CDK5RAP2: variants seen among roughly 807,000 people sequenced by gnomAD.
CDK5RAP2 encodes the protein CDK5 regulatory subunit associated protein 2.
A neutral mutation model predicts 232.9 loss-of-function variants in CDK5RAP2; 147 were observed. That is an observed-to-expected ratio of 0.63 (90% CI 0.55 to 0.72). The LOEUF is 0.72. Ranked by LOEUF, CDK5RAP2 falls within the 30% of genes least tolerant of loss-of-function variation. CDK5RAP2 has a pLI of 0.00. For missense variants in CDK5RAP2, 2,195 were observed against 2,231.5 expected, an observed-to-expected ratio of 0.98 and a Z score of 0.33; for synonymous variants, 833 against 833.7, an observed-to-expected ratio of 1.00 and a Z score of 0.01.
At chr9:120,578,795 G>GGCCC (rs2043135936) in intron 1 of CDK5RAP2, among the ~76,000 whole-genome samples, 1 of 152,086 alleles carries the variant, frequency 6.6e-6, no homozygotes, top group Admixed American at 6.6e-5. Flanking sequence ...TCACACTCCT[G>GGCCC]AGCTCAAGAA....
At chr9:120,425,246 C>T (rs1050045105) in intron 25 of CDK5RAP2, among the ~76,000 whole-genome samples, 2 of 152,170 alleles carry the variant, frequency 1.3e-5, no homozygotes, top group African/African-American at 4.8e-5. Flanking sequence ...GTATTCCACC[C>T]GTTCCCCTAT....
intron 23 of CDK5RAP2, among the ~76,000 whole-genome samples, chr9:120,442,878 C>T (rs1429398152): frequency 6.6e-6 from 1 of 152,066 alleles, no homozygotes; most frequent in Non-Finnish European, 1.5e-5. Context: ...TCCCCATGGC[C>T]ATCCCATGAC....
chr9:120,558,439 T>G (rs981123404), intron 3 of CDK5RAP2, among the ~76,000 whole-genome samples: 3 of 136,772 alleles, frequency 2.2e-5, no homozygotes. Context: ...AAGAGCCCCC[T>G]TAGACTTCAG....
At chr9:120,567,175 T>C (rs1564386659) in intron 3 of CDK5RAP2, among the ~76,000 whole-genome samples, 1 of 152,228 alleles carries the variant, frequency 6.6e-6, no homozygotes, top group East Asian at 1.9e-4. Flanking sequence ...TCTCATTCGT[T>C]TGAGGCCCCA....
intron 18 of CDK5RAP2, among the ~76,000 whole-genome samples, chr9:120,467,039 C>A (rs1319555452): frequency 6.6e-6 from 1 of 152,166 alleles, no homozygotes; most frequent in Non-Finnish European, 1.5e-5. Context: ...ACGAGAGAGT[C>A]AGGCCACAGT....
chr9:120,476,678 CA>C (rs553428055), intron 15 of CDK5RAP2, among the ~76,000 whole-genome samples: 1,683 of 85,714 alleles, frequency 0.02, 23 homozygotes, highest in African/African-American at 0.058. Context: ...GACTCCATCT[CA>C]AAAAAAAAAA....
rs147976792 is a variant in CDK5RAP2 at position 120,527,886 on chromosome 9, C to T, written c.919G>A (p.Ala307Thr). 1.2e-6 allele frequency: 2 copies of T among 1,613,788 alleles called. No homozygotes were observed. The highest frequency in any genetic ancestry group is 1.3e-5 in the African/African-American group (1 of 75,032). ...EDLREKEREI[A>T]TEKKNSLKRD... The stretch of plus-strand genomic sequence containing the variant: ...TTTAGACTATTTTTCTTCTCTGTAG[C>T]AATTTCTCTTTCCTTCTCTCTCAGG... The change falls in exon 10 of 38, where the codon GCT (alanine) becomes ACT (threonine). Residue 307 changes from alanine to threonine, a missense_variant. Physicochemically the swap from Ala to Thr is moderately conservative, Grantham distance 58 (BLOSUM62 0). Coordinates refer to ENST00000349780, the MANE Select transcript of CDK5RAP2 (RefSeq NM_018249.6).
At chr9:120,462,231 A>C (rs192557068) in intron 18 of CDK5RAP2, among the ~76,000 whole-genome samples, 51 of 152,312 alleles carry the variant, frequency 3.3e-4, no homozygotes, top group Middle Eastern at 3.4e-3. Context: ...TACCTACTGA[A>C]GCATAAAAGT....
At chr9:120,413,807 C>A (rs527264451) in intron 28 of CDK5RAP2, among the ~76,000 whole-genome samples, 1 of 111,908 alleles carries the variant, frequency 8.9e-6, no homozygotes, top group Non-Finnish European at 1.7e-5. Flanking sequence ...GCGCAGTGAG[C>A]GAGGAGGGAG....
At chr9:120,511,065 C>T (rs1345565111) in intron 12 of CDK5RAP2, among the ~76,000 whole-genome samples, 1 of 152,176 alleles carries the variant, frequency 6.6e-6, no homozygotes, top group Non-Finnish European at 1.5e-5. Context: ...TCTCGGGGCT[C>T]AACTTCTCAG....
rs2033514130 is a variant in CDK5RAP2, at chr9:120,407,231, A to G, written c.4744T>C (p.Trp1582Arg). 1 of 1,612,814 alleles carries G rather than the reference A, an allele frequency of 6.2e-7. No individual in the cohort carries two copies. Among genetic ancestry groups the G allele is most frequent in the African/African-American group, 1.3e-5 (1 of 74,932 alleles). Residue 1582 changes from tryptophan to arginine, a missense_variant, in exon 32 of 38, where the codon TGG becomes CGG. By Grantham distance (101) the Trp-to-Arg change is moderately radical. Transcript: ENST00000349780. ...RRLREASGEG[W>R]KGQDPFRDLH... Reference sequence around the variant, plus strand: ...TCCCTGAAAGGATCCTGCCCCTTCCAGCCTTCTCCCGACGCCTCTGAGGAC... The same window carrying G: ...TCCCTGAAAGGATCCTGCCCCTTCCGGCCTTCTCCCGACGCCTCTGAGGAC...
chr9:120,568,804 G>A (rs995831869), intron 2 of CDK5RAP2, among the ~76,000 whole-genome samples: 1 of 152,090 alleles, frequency 6.6e-6, no homozygotes, highest in Non-Finnish European at 1.5e-5. Flanking sequence ...CAATATTTTA[G>A]GCTTTGTGGG....
intron 22 of CDK5RAP2, among the ~76,000 whole-genome samples, chr9:120,446,802 A>T (rs1200699491): frequency 6.6e-6 from 1 of 152,060 alleles, no homozygotes; most frequent in Admixed American, 6.6e-5. Context: ...TGACTAGTGC[A>T]CTCATTTCCC....
chr9:120,422,511 G>A (rs2034625923), intron 26 of CDK5RAP2, among the ~76,000 whole-genome samples, 182 bp downstream of exon 26: 1 of 152,182 alleles, frequency 6.6e-6, no homozygotes, highest in Non-Finnish European at 1.5e-5. Flanking sequence ...GAAAGCAACA[G>A]GACATATGGC....
chr9:120,466,141 T>C (rs983927808), intron 18 of CDK5RAP2, among the ~76,000 whole-genome samples: 2 of 152,218 alleles, frequency 1.3e-5, no homozygotes, highest in African/African-American at 2.4e-5. Context: ...TATAGTCTCC[T>C]ACAGAACAGG....
intron 20 of CDK5RAP2, among the ~76,000 whole-genome samples, chr9:120,455,620 G>A (rs1460305133): frequency 6.6e-6 from 1 of 152,030 alleles, no homozygotes; most frequent in Non-Finnish European, 1.5e-5. Flanking sequence ...GCATGTGACT[G>A]TAGTCCCAGC....
At position 120,409,108 on chromosome 9, in the gene CDK5RAP2, A is replaced by G. The variant is rs1448410719; in HGVS notation, c.4604+19T>C. ...TGCGTGGTACGGCCAGCAGGCCACC[A>G]GGGAAGCACAGCCACTACCTGCTCA... On this transcript the variant is annotated intron_variant, in intron 30 of 37. Coordinates refer to ENST00000349780, the MANE Select transcript of CDK5RAP2 (RefSeq NM_018249.6). The G allele has an allele frequency of 1.2e-6, 2 of 1,609,440 alleles. No homozygotes were observed.
chr9:120,436,333 A>G (rs1488765632), intron 25 of CDK5RAP2, among the ~76,000 whole-genome samples: 1 of 152,220 alleles, frequency 6.6e-6, no homozygotes, highest in Non-Finnish European at 1.5e-5. Context: ...TCACATCACG[A>G]AAAGAAGAAA....
chr9:120,443,032 G>T (rs2035986564), intron 23 of CDK5RAP2, among the ~76,000 whole-genome samples: 1 of 152,032 alleles, frequency 6.6e-6, no homozygotes, highest in African/African-American at 2.4e-5. Context: ...GAGAACATGA[G>T]TATTTGTTAT....
Sources: allele counts gnomAD v4.1 joint callset (sites outside exome capture counted in the v4.1 genomes callset), GRCh38; gene constraint gnomAD v4.1.1; transcripts MANE v1.5; gene names NCBI Gene and HGNC (gene_info 2026-07-23, HGNC 2026-07-21).